Variants in APC observed in about 807,000 individuals in gnomAD.
APC encodes the protein adenomatous polyposis coli protein.
A neutral mutation model predicts 247.0 loss-of-function variants in APC; 72 were observed. The observed-to-expected ratio is 0.29, with a 90% CI of 0.24 to 0.35. APC has a LOEUF of 0.35. Among genes scored for constraint, APC ranks in the 10% least tolerant of loss-of-function variants. APC has a pLI of 1.00. For synonymous variants in APC, 1,254 were observed against 1,162.5 expected (o/e 1.08, Z -1.60); for missense variants, 3,400 against 3,360.7 (o/e 1.01, Z -0.29).
At chr5:112,774,766 C>T (rs968201327) in intron 4 of APC, among the ~76,000 whole-genome samples, 2 of 152,044 alleles carry the variant, frequency 1.3e-5, no homozygotes, top group African/African-American at 2.4e-5. Context: ...CATGTGCCAC[C>T]ACACCTGGCC....
intron 4 of APC, among the ~76,000 whole-genome samples, chr5:112,770,855 T>G (rs981328118): frequency 1.3e-5 from 2 of 152,176 alleles, no homozygotes; most frequent in Non-Finnish European, 2.9e-5. Flanking sequence ...CATATACACA[T>G]AAGCAAATAC....
rs376001148 is a variant in APC at position 112,717,674 on chromosome 5, A to AT, written c.165+9797dup. On this transcript the variant is annotated intron_variant, in intron 1 of 13. Transcript: ENST00000507379. ...GTGATTTTGTTTGGCTGCTTTTGAG[A>AT]TTTTTATCTTTGGCTTTGGCTTTCT... Among the ~76,000 whole-genome samples, 927 of 151,946 alleles carry AT rather than the reference A, an allele frequency of 6.1e-3. 6 individuals are homozygous for AT. Among genetic ancestry groups the AT allele is most frequent in the Middle Eastern group, 0.01 (3 of 294 alleles).
intron 8 of APC, among the ~76,000 whole-genome samples, chr5:112,810,870 CAA>C (rs1761915763): frequency 6.6e-6 from 1 of 152,124 alleles, no homozygotes. Flanking sequence ...ACTAAAAATA[CAA>C]AACTTAGCCA....
Position 112,819,471 on chromosome 5 carries a change from G to A in APC, c.1312+127G>A, listed in dbSNP as rs932412311. 12 of 1,239,928 alleles carry A rather than the reference G, an allele frequency of 9.7e-6. No individual in the cohort carries two copies. In the African/African-American group the frequency reaches 1.2e-4, roughly 12 times the overall value. The allele number at this position is 1,239,928 out of a possible 1,614,324, so 76.8% of individuals were successfully genotyped here. ...AGGAGAAAATTCATATCAGCCATTTGTGCTACTCATATTTAAAAGATTAAG... is the reference window on the plus strand; with the variant it reads ...AGGAGAAAATTCATATCAGCCATTTATGCTACTCATATTTAAAAGATTAAG... On this transcript the variant is annotated intron_variant, in intron 10 of 15. Coordinates refer to ENST00000257430, the MANE Select transcript of APC (RefSeq NM_000038.6).
In APC at chr5:112,707,534, G is replaced by A. The variant is rs575784409; in HGVS notation, c.-184G>A. 4.0e-6 allele frequency: 2 copies of A among 497,466 alleles called. No individual in the cohort carries two copies. Among genetic ancestry groups the A allele is most frequent in the South Asian group, 3.9e-5 (2 of 51,346 alleles). The allele number at this position is 497,466 out of a possible 1,614,324, so 30.8% of individuals were successfully genotyped here. Reference sequence around the variant, plus strand: ...TTCCCACCTCCCACAAGATGGCGGAGGGCAAGTAGCAAGGGGGCGGGGTGT... The same window carrying A: ...TTCCCACCTCCCACAAGATGGCGGAAGGCAAGTAGCAAGGGGGCGGGGTGT... On this transcript the variant is annotated 5_prime_UTR_variant, in exon 1 of 14. Transcript: ENST00000507379.
chr5:112,843,696 A>G lies in APC; in HGVS notation c.8102A>G (p.Gln2701Arg), dbSNP rs1213679188. 1 of 1,614,020 alleles carries G rather than the reference A, an allele frequency of 6.2e-7. No homozygotes were observed. Among genetic ancestry groups the G allele is most frequent in the Non-Finnish European group, 8.5e-7 (1 of 1,179,968 alleles). The change falls in exon 16 of 16, where the codon CAG becomes CGG. Residue 2701 changes from glutamine (Q) to arginine (R), a missense_variant. Gln to Arg is a conservative substitution (Grantham distance 43, BLOSUM62 1). Around this residue, in one of 9 missense-constraint regions of APC, gnomAD observed 1,788 missense variants for 1,649.5 expected, o/e 1.08. Coordinates refer to ENST00000257430, the MANE Select transcript of APC (RefSeq NM_000038.6). This position sits in a 1 kb window ranked among gnomAD's most constrained non-coding sequence, Gnocchi z 4.8. ...NPNIKDSKDNQAKQNVGNGSV... is the reference protein window; with the variant it reads ...NPNIKDSKDNRAKQNVGNGSV... Reference sequence around the variant, plus strand: ...AACATTAAAGATTCAAAAGATAATCAGGCAAAACAAAATGTGGGTAATGGC... The same window carrying G: ...AACATTAAAGATTCAAAAGATAATCGGGCAAAACAAAATGTGGGTAATGGC...
chr5:112,786,851 C>G (rs1414623909), intron 6 of APC, among the ~76,000 whole-genome samples: 1 of 145,624 alleles, frequency 6.9e-6, no homozygotes, highest in Non-Finnish European at 1.5e-5. Flanking sequence ...CATATGGTCT[C>G]TTTTGCAACT....
rs527514348 is a variant in APC, at chr5:112,717,121, G to A, written c.165+9239G>A. Among the ~76,000 whole-genome samples, 51 of 151,940 alleles carry A rather than the reference G, an allele frequency of 3.4e-4. 1 individual carries two copies. In the South Asian group the frequency reaches 7.9e-3, roughly 24 times the overall value. ...TGCCTTCCAGGTTAAAGCAATTCTCGTGCCTCAGCCTCCTGAGTAGCTGGG... is the reference window on the plus strand; with the variant it reads ...TGCCTTCCAGGTTAAAGCAATTCTCATGCCTCAGCCTCCTGAGTAGCTGGG... On this transcript the variant is annotated intron_variant, in intron 1 of 13. Coordinates refer to the APC transcript ENST00000507379.
chr5:112,760,232 C>T (rs902096153), intron 2 of APC, among the ~76,000 whole-genome samples: 2 of 152,042 alleles, frequency 1.3e-5, no homozygotes, highest in African/African-American at 4.8e-5. Context: ...TCGTTGGCAG[C>T]CTTGACAAAC....
At chr5:112,768,659 A>T (rs1756651299) in intron 4 of APC, among the ~76,000 whole-genome samples, 1 of 152,092 alleles carries the variant, frequency 6.6e-6, no homozygotes, top group South Asian at 2.1e-4. Context: ...AGGAACATTC[A>T]CTGTCTACCA....
At position 112,799,429 on chromosome 5, in the gene APC, C is replaced by T. The variant is rs59448973; in HGVS notation, c.730-1850C>T. Among the ~76,000 whole-genome samples the T allele has an allele frequency of 7.3e-3, 1,114 of 152,092 alleles. 18 individuals are homozygous for T. The highest frequency in any genetic ancestry group is 0.025 in the African/African-American group (1,045 of 41,472). On this transcript the variant is annotated intron_variant, in intron 7 of 15. Transcript: ENST00000257430. Reference sequence around the variant, plus strand: ...CCACTCCCCATATCCTGTCAGCGAACCCGATCAGATTTACCTCTATGTCTC... The same window carrying T: ...CCACTCCCCATATCCTGTCAGCGAATCCGATCAGATTTACCTCTATGTCTC...
upstream of APC, among the ~76,000 whole-genome samples, chr5:112,736,052 G>C (rs1246201380): frequency 6.6e-6 from 1 of 152,156 alleles, no homozygotes; most frequent in Non-Finnish European, 1.5e-5. Flanking sequence ...TGTTTTGAAA[G>C]ACTGTTTTCC....
intron 1 of APC, among the ~76,000 whole-genome samples, chr5:112,748,833 ATG>A (rs1753967698): frequency 1.3e-5 from 2 of 152,166 alleles, no homozygotes; most frequent in Non-Finnish European, 2.9e-5. Context: ...AAAAAAAAGA[ATG>A]AGGTTTACAA....
chr5:112,740,323 T>C (rs1329194724), intron 1 of APC, among the ~76,000 whole-genome samples: 1 of 152,120 alleles, frequency 6.6e-6, no homozygotes, highest in African/African-American at 2.4e-5. Context: ...AAATAAGAAA[T>C]AAAGAACTAA....
chr5:112,741,324 A>T (rs1051867030), intron 1 of APC, among the ~76,000 whole-genome samples: 1 of 152,230 alleles, frequency 6.6e-6, no homozygotes, highest in African/African-American at 2.4e-5. Context: ...CTGCTTTTTC[A>T]TAAAATCTGC....
intron 1 of APC, among the ~76,000 whole-genome samples, chr5:112,719,110 G>C (rs571100994): frequency 6.6e-6 from 1 of 152,342 alleles, no homozygotes; most frequent in African/African-American, 2.4e-5. Context: ...AAGTGGGACT[G>C]TATGGAGGAG....
At position 112,842,446 on chromosome 5, in the gene APC, T is replaced by G. The variant is rs1428908199; in HGVS notation, c.6852T>G (p.Pro2284=). 1 of 1,613,998 alleles carries G rather than the reference T, an allele frequency of 6.2e-7. No homozygotes were observed. Among genetic ancestry groups the G allele is most frequent in the Admixed American group, 1.7e-5 (1 of 59,990 alleles). ...AKPSVKSELS[P]VARQTSQIGG... ...CATCTGTGAAATCAGAATTAAGCCCTGTTGCCAGGCAGACATCCCAAATAG... is the reference window on the plus strand; with the variant it reads ...CATCTGTGAAATCAGAATTAAGCCCGGTTGCCAGGCAGACATCCCAAATAG... The change falls in exon 16 of 16, where the codon CCT becomes CCG. Residue 2284 remains proline, a synonymous_variant. Coordinates refer to ENST00000257430, the MANE Select transcript of APC (RefSeq NM_000038.6).
At chr5:112,767,551 A>G (rs1019685305) in intron 4 of APC, among the ~76,000 whole-genome samples, 161 bp downstream of exon 4, 2 of 152,348 alleles carry the variant, frequency 1.3e-5, no homozygotes, top group African/African-American at 2.4e-5. Flanking sequence ...TTGCACTTAC[A>G]TTAAATCTAA....
intron 2 of APC, among the ~76,000 whole-genome samples, chr5:112,764,950 G>A (rs574320772): frequency 4.6e-5 from 7 of 152,270 alleles, no homozygotes; most frequent in African/African-American, 1.7e-4. Flanking sequence ...TTCCACAAAT[G>A]TAAAACACTC....
Sources: gnomAD v4.1 joint callset for allele counts (sites outside exome capture counted in the v4.1 genomes callset) on GRCh38, gnomAD v4.1.1 for gene constraint, gnomAD v4.1.1 regional missense constraint, Gnocchi (gnomAD v3.1) non-coding constraint, MANE v1.5 for transcripts, NCBI Gene and HGNC (gene_info 2026-07-23, HGNC 2026-07-21) for gene names.